Variants in PRORP observed in about 807,000 individuals in gnomAD.
PRORP encodes mitochondrial ribonuclease P catalytic subunit.
In PRORP, 51 loss-of-function variants were observed where a neutral mutation model predicts 59.4. That is an observed-to-expected ratio of 0.86 (90% confidence interval 0.69 to 1.08). The LOEUF is 1.08. Ranked by LOEUF, PRORP falls within the 50% of genes least tolerant of loss-of-function variation. PRORP has a pLI of 0.00. For synonymous variants in PRORP, 231 were observed against 245.6 expected (o/e 0.94, Z 0.55); for missense variants, 646 against 690.3 (o/e 0.94, Z 0.72).
intron 4 of PRORP, among the ~76,000 whole-genome samples, chr14:35,164,808 C>G (rs146170448): frequency 4.6e-5 from 7 of 152,126 alleles, no homozygotes; most frequent in African/African-American, 1.7e-4. Context: ...TAGACATATC[C>G]AGGTGAAATT....
At chr14:35,201,726 T>G (rs2049156285) in intron 5 of PRORP, among the ~76,000 whole-genome samples, 1 of 151,954 alleles carries the variant, frequency 6.6e-6, no homozygotes, top group African/African-American at 2.4e-5. Context: ...TGGTGCGATC[T>G]TGGCTCACTG....
chr14:35,150,192 A>T (rs150442487), intron 4 of PRORP, among the ~76,000 whole-genome samples: 57 of 152,278 alleles, frequency 3.7e-4, no homozygotes, highest in African/African-American at 1.2e-3. Context: ...CAGTGATTTC[A>T]AGCTTTTGAT....
At position 35,200,316 on chromosome 14, in the gene PRORP, C is replaced by T. The variant is rs762783306; in HGVS notation, c.1275+19539C>T. Among the ~76,000 whole-genome samples the T allele has an allele frequency of 3.9e-4, 59 of 151,958 alleles. 1 individual carries two copies. The highest frequency in any genetic ancestry group is 4.7e-4 in the Non-Finnish European group (32 of 68,006). ...CAAGCAATTCTCTGCCTCAGCCTCC[C>T]GAGTAGCTGGCATTACAGGCACCCA... On this transcript the variant is annotated intron_variant, in intron 5 of 7. Transcript: ENST00000534898.
At position 35,266,623 on chromosome 14, in the gene PRORP, C is replaced by G. The variant is rs947265113; in HGVS notation, c.1276-104C>G. The G allele has an allele frequency of 6.7e-6, 8 of 1,195,674 alleles. No individual in the cohort carries two copies. In the African/African-American group the frequency reaches 1.2e-4, roughly 18 times the overall value. The allele number at this position is 1,195,674 out of a possible 1,614,324, so 74.1% of individuals were successfully genotyped here. The stretch of plus-strand genomic sequence containing the variant: ...TGTGGATTGTTTTCTTACCCCCTAC[C>G]AGAAAAGAGTGCTTCACCATTGAGG... On this transcript the variant is annotated intron_variant, in intron 5 of 7. Transcript: ENST00000534898.
At chr14:35,133,759 C>T (rs1216179199) in intron 4 of PRORP, among the ~76,000 whole-genome samples, 1 of 152,220 alleles carries the variant, frequency 6.6e-6, no homozygotes, top group Non-Finnish European at 1.5e-5. Context: ...TGGCCTTGAA[C>T]AAGATCAGGG....
chr14:35,238,598 G>GA (rs1336639016), intron 5 of PRORP, among the ~76,000 whole-genome samples: 1 of 152,146 alleles, frequency 6.6e-6, no homozygotes, highest in African/African-American at 2.4e-5. Context: ...AGGACTTTGG[G>GA]AAAAATATGT....
At chr14:35,147,457 C>G (rs2047639881) in intron 4 of PRORP, among the ~76,000 whole-genome samples, 1 of 152,228 alleles carries the variant, frequency 6.6e-6, no homozygotes, top group African/African-American at 2.4e-5. Flanking sequence ...ATCCTCCCAC[C>G]TCAGCCTCCT....
At chr14:35,268,610 T>G (rs921648495) in intron 6 of PRORP, among the ~76,000 whole-genome samples, 3 of 152,144 alleles carry the variant, frequency 2.0e-5, no homozygotes, top group African/African-American at 7.2e-5. Context: ...TCATTTATTT[T>G]ATTGAGACGG....
intron 4 of PRORP, among the ~76,000 whole-genome samples, chr14:35,173,378 C>T: frequency 6.6e-6 from 1 of 152,184 alleles, no homozygotes; most frequent in East Asian, 1.9e-4. Context: ...TCCAAACTGT[C>T]TCCCTTGCAG....
rs2047108978 is a variant in PRORP, at chr14:35,126,754, A to G, written c.1006A>G (p.Lys336Glu). ...TCATAGTGTTCCTGGAAAACAATGG[A>G]AAGGACAATTCACCACAGTCCGAAA... The part of the protein sequence containing the change: ...WFESVPGKQW[K>E]GQFTTVRKSG... The change falls in exon 3 of 8, where the codon AAA becomes GAA. Residue 336 changes from lysine to glutamate, a missense_variant. Physicochemically the swap from Lys to Glu is moderately conservative, Grantham distance 56 (BLOSUM62 1). Coordinates refer to ENST00000534898, the MANE Select transcript of PRORP (RefSeq NM_014672.4). 5 of 1,610,842 alleles carry G rather than the reference A, an allele frequency of 3.1e-6. No homozygotes were observed. The African/African-American group carries it at 4.0e-5, about 13-fold the overall frequency.
At chr14:35,252,167 G>A (rs116816121) in intron 5 of PRORP, among the ~76,000 whole-genome samples, 2,209 of 152,274 alleles carry the variant, frequency 0.015, 65 homozygotes, top group African/African-American at 0.05. Flanking sequence ...TCTCACGCCT[G>A]TAATCCCAAC....
chr14:35,203,761 A>C (rs1489729630), intron 5 of PRORP, among the ~76,000 whole-genome samples: 1 of 152,122 alleles, frequency 6.6e-6, no homozygotes, highest in African/African-American at 2.4e-5. Flanking sequence ...CTACTCGGGA[A>C]GCTGAGGCAG....
At chr14:35,244,604 G>C (rs911234209) in intron 5 of PRORP, among the ~76,000 whole-genome samples, 1 of 151,964 alleles carries the variant, frequency 6.6e-6, no homozygotes. Flanking sequence ...GCAATTTTAC[G>C]TGGTTCTCTA....
intron 7 of PRORP, among the ~76,000 whole-genome samples, chr14:35,271,895 G>A (rs553550538): frequency 7.9e-5 from 12 of 152,258 alleles, no homozygotes; most frequent in South Asian, 2.1e-4. Context: ...GCGTGGTGGC[G>A]TGTGCCTATA....
At chr14:35,270,838 C>G (rs1341594967) in intron 7 of PRORP, among the ~76,000 whole-genome samples, 1 of 152,008 alleles carries the variant, frequency 6.6e-6, no homozygotes, top group East Asian at 1.9e-4. Context: ...AATCCCAGCA[C>G]TTTGGGAGGC....
At chr14:35,147,428 C>T (rs1323149893) in intron 4 of PRORP, among the ~76,000 whole-genome samples, 1 of 152,176 alleles carries the variant, frequency 6.6e-6, no homozygotes, top group Non-Finnish European at 1.5e-5. Flanking sequence ...CTGTAGCCTC[C>T]ACTTCTCAGG....
At chr14:35,235,544 G>T (rs1048599343) in intron 5 of PRORP, 2 of 576,782 alleles carry the variant, frequency 3.5e-6, no homozygotes, top group Admixed American at 2.2e-5. Flanking sequence ...CTCCAAGGTG[G>T]TGATGGTGTT....
At chr14:35,236,217 T>C (rs1221198225) in intron 5 of PRORP, among the ~76,000 whole-genome samples, 1 of 152,152 alleles carries the variant, frequency 6.6e-6, no homozygotes, top group African/African-American at 2.4e-5. Context: ...CCAAATTCCT[T>C]GTTCTTTCCC....
chr14:35,125,772 A>G (rs1399992440), intron 2 of PRORP, among the ~76,000 whole-genome samples: 1 of 152,226 alleles, frequency 6.6e-6, no homozygotes, highest in Non-Finnish European at 1.5e-5. Flanking sequence ...CTGTAATCTG[A>G]GCACTTTTAG....
Sources: gnomAD v4.1 joint callset for allele counts (sites outside exome capture counted in the v4.1 genomes callset) on GRCh38, gnomAD v4.1.1 for gene constraint, MANE v1.5 for transcripts, NCBI Gene and HGNC (gene_info 2026-07-23, HGNC 2026-07-21) for gene names.